TNFRSF11A: variants seen among roughly 807,000 people sequenced by gnomAD.
The protein encoded by TNFRSF11A is TNF receptor superfamily member 11a.
A neutral mutation model predicts 55.7 loss-of-function variants in TNFRSF11A; 32 were observed. The observed-to-expected ratio is 0.57, with a 90% CI of 0.43 to 0.77. The LOEUF is 0.77. Ranked by LOEUF, TNFRSF11A falls within the 30% of genes least tolerant of loss-of-function variation. The probability of loss-of-function intolerance (pLI) is 0.00; values close to 1 mark genes in which losing one functional copy is unlikely to be tolerated. For synonymous variants in TNFRSF11A, 311 were observed against 331.0 expected (o/e 0.94, Z 0.65); for missense variants, 753 against 809.8 (o/e 0.93, Z 0.85).
chr18:62,368,896 C>T lies in TNFRSF11A; in HGVS notation c.979C>T (p.Leu327Phe). ...PYAQGEDARM[L>F]SLVSKTEIEE... is the part of the protein sequence containing the mutation. ...CGCACAAGGCGAAGATGCCAGGATG[C>T]TCTCATTGGTCAGCAAGACCGAGAT... The change falls in exon 9 of 10, where the codon CTC (leucine) becomes TTC (phenylalanine). Residue 327 changes from leucine to phenylalanine, a missense_variant. By Grantham distance (22) the Leu-to-Phe change is conservative. This residue lies in a region of TNFRSF11A where 567 missense variants were observed against 596.7 expected (regional missense o/e 0.95). Coordinates refer to ENST00000586569, the MANE Select transcript of TNFRSF11A (RefSeq NM_003839.4). 2 of 1,614,230 alleles carry T rather than the reference C, an allele frequency of 1.2e-6. No homozygotes were observed. Among genetic ancestry groups the T allele is most frequent in the South Asian group, 1.1e-5 (1 of 91,088 alleles).
At chr18:62,340,897 C>T (rs1391447456) in intron 1 of TNFRSF11A, among the ~76,000 whole-genome samples, 1 of 152,240 alleles carries the variant, frequency 6.6e-6, no homozygotes, top group Non-Finnish European at 1.5e-5. Flanking sequence ...GCCCCTTTAT[C>T]CTCACGGTCT....
intron 9 of TNFRSF11A, among the ~76,000 whole-genome samples, chr18:62,378,733 G>A (rs565909959): frequency 3.3e-5 from 5 of 152,184 alleles, no homozygotes; most frequent in Admixed American, 1.3e-4. Flanking sequence ...CTTGCTCTAC[G>A]CAGTTGCACA....
In TNFRSF11A at chr18:62,384,963, G is replaced by A; in HGVS notation, c.1780G>A (p.Gly594Ser). 4.1e-6 allele frequency: 6 copies of A among 1,479,130 alleles called. No individual in the cohort carries two copies. The highest frequency in any genetic ancestry group is 4.4e-6 in the Non-Finnish European group (5 of 1,124,040). 91.6% of individuals were successfully genotyped at this position (1,479,130 alleles called of 1,614,324 possible). A position where few individuals can be genotyped will look rare whatever the true frequency, so the allele number is the denominator to read the frequency against. The change falls in exon 10 of 10, where the codon GGC becomes AGC. Residue 594 changes from glycine (G) to serine (S), a missense_variant. Physicochemically the swap from Gly to Ser is moderately conservative, Grantham distance 56. This residue lies in a region of TNFRSF11A where 567 missense variants were observed against 596.7 expected (regional missense o/e 0.95). Coordinates refer to ENST00000586569, the MANE Select transcript of TNFRSF11A (RefSeq NM_003839.4). ...NGPRFPDPCG[G>S]PEGLREPEKA... ...CCCGCGCTTCCCGGACCCGTGCGGC[G>A]GCCCCGAGGGGCTGCGGGAGCCGGA...
At chr18:62,329,877 T>TGTGCTC (rs1568469777) in intron 1 of TNFRSF11A, among the ~76,000 whole-genome samples, 1 of 152,146 alleles carries the variant, frequency 6.6e-6, no homozygotes, top group Non-Finnish European at 1.5e-5. Flanking sequence ...CCAGTCGCAG[T>TGTGCTC]GTGCTCTCAC....
chr18:62,334,845 C>T (rs2046206468), intron 1 of TNFRSF11A, among the ~76,000 whole-genome samples: 1 of 152,118 alleles, frequency 6.6e-6, no homozygotes, highest in South Asian at 2.1e-4. Flanking sequence ...TCAGGAGACA[C>T]TAGCGGGGTT....
intron 1 of TNFRSF11A, among the ~76,000 whole-genome samples, chr18:62,337,598 C>G (rs563601537): frequency 6.6e-6 from 1 of 152,326 alleles, no homozygotes; most frequent in East Asian, 1.9e-4. Context: ...CCTCCTGGCA[C>G]GTGCTGTACA....
Position 62,383,352 on chromosome 18 carries a change from A to G in TNFRSF11A, c.1568-1399A>G, listed in dbSNP as rs547027387. Among the ~76,000 whole-genome samples, 25 of 152,302 alleles carry G rather than the reference A, an allele frequency of 1.6e-4. No individual in the cohort carries two copies. Among genetic ancestry groups the G allele is most frequent in the Admixed American group, 3.9e-4 (6 of 15,296 alleles). ...CCTCAAAGGAATTTCCTACATGCGT[A>G]TCGGTATTTTAGTCAGGCCATCCAA... On this transcript the variant is annotated intron_variant, in intron 9 of 9. Coordinates refer to ENST00000586569, the MANE Select transcript of TNFRSF11A (RefSeq NM_003839.4). This position sits in a 1 kb window ranked among gnomAD's most constrained non-coding sequence, Gnocchi z 4.2.
At position 62,385,153 on chromosome 18, in the gene TNFRSF11A, C is replaced by T. The variant is rs1350523087; in HGVS notation, c.*119C>T. On this transcript the variant is annotated 3_prime_UTR_variant, in exon 10 of 10. Transcript: ENST00000586569. ...ATCGGTACAGTCGAGGAAGACCACCCGGCATTCTCTGCCCACTTTGCCTTC... is the reference window on the plus strand; with the variant it reads ...ATCGGTACAGTCGAGGAAGACCACCTGGCATTCTCTGCCCACTTTGCCTTC... The T allele has an allele frequency of 4.3e-6, 5 of 1,176,006 alleles. No homozygotes were observed. The South Asian group carries it at 6.2e-5, about 15-fold the overall frequency. 72.8% of individuals were successfully genotyped at this position (1,176,006 alleles called of 1,614,324 possible).
intron 9 of TNFRSF11A, among the ~76,000 whole-genome samples, chr18:62,380,805 C>CT (rs34045772): frequency 3.6e-3 from 301 of 83,536 alleles, no homozygotes; most frequent in Non-Finnish European, 4.1e-3. Flanking sequence ...AAATAATATT[C>CT]TTTTTTTTTT....
In TNFRSF11A at chr18:62,390,234, C is replaced by T. The variant is rs1600440552; in HGVS notation, c.*5200C>T. 1 of 152,374 alleles carries T rather than the reference C, an allele frequency of 6.6e-6. No homozygotes were observed. The highest frequency in any genetic ancestry group is 1.5e-5 in the Non-Finnish European group (1 of 68,054). 9.4% of individuals were successfully genotyped at this position (152,374 alleles called of 1,614,324 possible). A position where few individuals can be genotyped will look rare whatever the true frequency, so the allele number is the denominator to read the frequency against. ...AGGTCGGAGGGACGCACCTTCTCCA[C>T]AGTTGACAGGACTGTTATGGTTGAC... On this transcript the variant is annotated 3_prime_UTR_variant, in exon 10 of 10. Coordinates refer to ENST00000586569, the MANE Select transcript of TNFRSF11A (RefSeq NM_003839.4).
At chr18:62,352,275 T>C (rs1417523777) in intron 3 of TNFRSF11A, among the ~76,000 whole-genome samples, 2 of 152,386 alleles carry the variant, frequency 1.3e-5, no homozygotes, top group South Asian at 4.1e-4. Flanking sequence ...TTTTATTTAG[T>C]GACCTCAGTC....
chr18:62,379,269 C>T (rs151201124), intron 9 of TNFRSF11A, among the ~76,000 whole-genome samples: 1 of 152,222 alleles, frequency 6.6e-6, no homozygotes, highest in African/African-American at 2.4e-5. Flanking sequence ...TAACCCACAC[C>T]CGCCCAGGAA....
At chr18:62,378,465 G>A (rs1911046655) in intron 9 of TNFRSF11A, among the ~76,000 whole-genome samples, 1 of 152,202 alleles carries the variant, frequency 6.6e-6, no homozygotes, top group Non-Finnish European at 1.5e-5. Flanking sequence ...GACGCATTGA[G>A]ATCCTCTAAC....
intron 1 of TNFRSF11A, among the ~76,000 whole-genome samples, chr18:62,331,867 C>T (rs1170871237): frequency 6.6e-6 from 1 of 152,202 alleles, no homozygotes; most frequent in African/African-American, 2.4e-5. Context: ...CCCCATACCC[C>T]CAAAAAATCC....
intron 1 of TNFRSF11A, among the ~76,000 whole-genome samples, chr18:62,342,141 C>T (rs2046320450): frequency 6.6e-6 from 1 of 151,768 alleles, no homozygotes; most frequent in Admixed American, 6.6e-5. Flanking sequence ...TGTCTCACGC[C>T]TGTAATCCCA....
chr18:62,337,461 A>C (rs923451868), intron 1 of TNFRSF11A, among the ~76,000 whole-genome samples: 1 of 152,172 alleles, frequency 6.6e-6, no homozygotes, highest in Non-Finnish European at 1.5e-5. Context: ...ATTAGTAATC[A>C]GTTATGTGAC....
At chr18:62,352,336 T>G (rs2145302889) in intron 3 of TNFRSF11A, among the ~76,000 whole-genome samples, 1 of 152,330 alleles carries the variant, frequency 6.6e-6, no homozygotes, top group East Asian at 1.9e-4. Context: ...TATAGAAGTT[T>G]TTTCCCCAAT....
rs1161323349 is a variant in TNFRSF11A at position 62,354,944 on chromosome 18, TAA to T, written c.427+414_427+415del. ...CCCAGCACGTTTTTAAGTTGACATC[TAA>T]AAAGTTTTGTTACAAGTTTGAAGAA... On this transcript the variant is annotated intron_variant, in intron 4 of 9. Transcript: ENST00000586569. Among the ~76,000 whole-genome samples, 12 of 152,284 alleles carry T rather than the reference TAA, an allele frequency of 7.9e-5. No individual in the cohort carries two copies. The East Asian group carries it at 2.3e-3, about 29-fold the overall frequency.
chr18:62,372,961 A>G (rs1281942412), intron 9 of TNFRSF11A: 3 of 152,204 alleles, frequency 2.0e-5, no homozygotes, highest in African/African-American at 4.8e-5. Context: ...GCCTTGAAAA[A>G]GCCTGAAAAA....
Sources: gnomAD v4.1 joint callset for allele counts (sites outside exome capture counted in the v4.1 genomes callset) on GRCh38, gnomAD v4.1.1 for gene constraint, gnomAD v4.1.1 regional missense constraint, Gnocchi (gnomAD v3.1) non-coding constraint, MANE v1.5 for transcripts, NCBI Gene and HGNC (gene_info 2026-07-23, HGNC 2026-07-21) for gene names.